The following ME1 variants were observed in gnomAD, a reference collection of about 807,000 sequenced individuals.
The protein encoded by ME1 is NADP-dependent malic enzyme.
In ME1, 74 loss-of-function variants were observed where a neutral mutation model predicts 66.4. That is an observed-to-expected ratio of 1.11 (90% CI 0.92 to 1.35). The LOEUF is 1.35. Ranked by LOEUF, ME1 falls within the 40% of genes most tolerant of loss-of-function variation. ME1 has a pLI of 0.00. For missense variants in ME1, 750 were observed against 694.1 expected, an observed-to-expected ratio of 1.08 and a Z score of -0.90; for synonymous variants, 251 against 235.6, an observed-to-expected ratio of 1.07 and a Z score of -0.60.
intron 6 of ME1, among the ~76,000 whole-genome samples, chr6:83,294,763 C>A (rs565921948): frequency 2.0e-5 from 3 of 152,260 alleles, no homozygotes; most frequent in East Asian, 3.9e-4. Context: ...CAGTTCCCCC[C>A]GACTCCCCCT....
chr6:83,380,802 T>A (rs1018811407), intron 3 of ME1, among the ~76,000 whole-genome samples: 14 of 152,144 alleles, frequency 9.2e-5, no homozygotes, highest in Non-Finnish European at 1.6e-4. Flanking sequence ...AAATATTGAC[T>A]TGGAAATTCT....
rs73476967 is a variant in ME1, at chr6:83,390,209, T to C, written c.362+8158A>G. ...CATACTTAAAAGTATGATCAAAAGA[T>C]ATATTTGTTTGTAACTATGTTAAGC... is the stretch of plus-strand genomic sequence containing the variant. On this transcript the variant is annotated intron_variant, in intron 3 of 13. Transcript: ENST00000369705. Among the ~76,000 whole-genome samples the C allele has an allele frequency of 1.9e-3, 289 of 152,254 alleles. 2 individuals carry two copies. The highest frequency in any genetic ancestry group is 6.4e-3 in the African/African-American group (267 of 41,566).
chr6:83,392,506 G>T, intron 3 of ME1: 1 of 529,260 alleles, frequency 1.9e-6, no homozygotes, highest in South Asian at 1.4e-5. Flanking sequence ...AGTCGATATT[G>T]TCGCCATCAA....
chr6:83,413,843 T>A (rs754993501), intron 1 of ME1, among the ~76,000 whole-genome samples: 24 of 152,086 alleles, frequency 1.6e-4, no homozygotes, highest in Non-Finnish European at 2.2e-4. Flanking sequence ...GCATGATGCC[T>A]CACACCTGTA....
At chr6:83,288,276 T>C (rs981711512) in intron 6 of ME1, among the ~76,000 whole-genome samples, 1 of 152,206 alleles carries the variant, frequency 6.6e-6, no homozygotes, top group Non-Finnish European at 1.5e-5. Context: ...TCTAGGATTT[T>C]TACAGTCCTA....
At chr6:83,238,386 A>G (rs1790452117) in intron 8 of ME1, among the ~76,000 whole-genome samples, 1 of 152,164 alleles carries the variant, frequency 6.6e-6, no homozygotes, top group Admixed American at 6.5e-5. Flanking sequence ...TGAAATTTCC[A>G]ATATCTTTCC....
At chr6:83,393,073 T>A in intron 3 of ME1, 1 of 1,447,998 alleles carries the variant, frequency 6.9e-7, no homozygotes, top group African/African-American at 1.4e-5. Context: ...ATCCCTGAGC[T>A]AAACGGGAAG....
At chr6:83,298,382 T>G (rs1767641778) in intron 6 of ME1, among the ~76,000 whole-genome samples, 1 of 152,208 alleles carries the variant, frequency 6.6e-6, no homozygotes, top group Non-Finnish European at 1.5e-5. Flanking sequence ...TGTTGGTTCA[T>G]GTCCTTTGCC....
At position 83,253,616 on chromosome 6, in the gene ME1, A is replaced by G; in HGVS notation, c.814+13T>C. On this transcript the variant is annotated intron_variant, in intron 7 of 13. Coordinates refer to ENST00000369705, the MANE Select transcript of ME1 (RefSeq NM_002395.6). ...ACATGTTATTGATCCATATGCAGTG[A>G]AAATTTTGTTACCTTGAATATCATC... is the stretch of plus-strand genomic sequence containing the variant. 1 of 1,430,312 alleles carries G rather than the reference A, an allele frequency of 7.0e-7. No homozygotes were observed. Among genetic ancestry groups the G allele is most frequent in the Non-Finnish European group, 9.8e-7 (1 of 1,016,110 alleles). The allele number at this position is 1,430,312 out of a possible 1,614,324, so 88.6% of individuals were successfully genotyped here. A position where few individuals can be genotyped will look rare whatever the true frequency, so the allele number is the denominator to read the frequency against.
At chr6:83,312,650 T>G (rs1767952637) in intron 6 of ME1, among the ~76,000 whole-genome samples, 1 of 152,136 alleles carries the variant, frequency 6.6e-6, no homozygotes. Context: ...CAGGCAGGGG[T>G]AATCCCAACT....
rs140955774 is a variant in ME1, at chr6:83,244,240, G to A, written c.815-4604C>T. On this transcript the variant is annotated intron_variant, in intron 7 of 13. Transcript: ENST00000369705. The stretch of plus-strand genomic sequence containing the variant: ...AGACTGAAAAGGAAGATTACCTAAG[G>A]AAATGGCCCAACCAAGTCACCTTAC... Among the ~76,000 whole-genome samples the A allele has an allele frequency of 3.6e-4, 55 of 152,124 alleles. No individual in the cohort carries two copies. In the South Asian group the frequency reaches 0.011, roughly 31 times the overall value.
At chr6:83,348,996 AAAAAAC>A (rs1182813543) in intron 4 of ME1, among the ~76,000 whole-genome samples, 4 of 144,068 alleles carry the variant, frequency 2.8e-5, no homozygotes, top group Admixed American at 1.4e-4. Context: ...AAAAAAAAAA[AAAAAAC>A]AAAAAACAAA....
intron 3 of ME1, among the ~76,000 whole-genome samples, chr6:83,372,344 G>C (rs781202364): frequency 2.2e-4 from 34 of 152,120 alleles, no homozygotes; most frequent in African/African-American, 2.4e-5. Flanking sequence ...AGACTGACTG[G>C]GGTATGGTTT....
chr6:83,381,617 T>C (rs1172984057), intron 3 of ME1, among the ~76,000 whole-genome samples: 2 of 152,134 alleles, frequency 1.3e-5, no homozygotes, highest in Non-Finnish European at 2.9e-5. Context: ...TACAAGACTG[T>C]GGAATTATTC....
chr6:83,323,522 C>T (rs184992097), intron 5 of ME1, among the ~76,000 whole-genome samples: 22 of 150,774 alleles, frequency 1.5e-4, no homozygotes, highest in African/African-American at 4.6e-4. Context: ...AAAAAAAAAC[C>T]CCAGAGGTTG....
chr6:83,320,251 A>T (rs181847862), intron 5 of ME1, among the ~76,000 whole-genome samples: 1 of 152,362 alleles, frequency 6.6e-6, no homozygotes, highest in East Asian at 1.9e-4. Flanking sequence ...TAAGAAGGTT[A>T]AACCTTCAGA....
chr6:83,283,543 C>T (rs1353035994), intron 6 of ME1, among the ~76,000 whole-genome samples: 1 of 151,882 alleles, frequency 6.6e-6, no homozygotes, highest in Non-Finnish European at 1.5e-5. Flanking sequence ...ACCTGTGTAA[C>T]AAACCTGCAC....
intron 3 of ME1, among the ~76,000 whole-genome samples, chr6:83,387,799 T>C (rs902251501): frequency 3.9e-5 from 6 of 152,168 alleles, no homozygotes; most frequent in Non-Finnish European, 7.4e-5. Flanking sequence ...TAAAGCAACA[T>C]AATGGAACAA....
intron 9 of ME1, among the ~76,000 whole-genome samples, chr6:83,232,551 A>G (rs1421370487): frequency 6.6e-6 from 1 of 152,204 alleles, no homozygotes; most frequent in Non-Finnish European, 1.5e-5. Context: ...TTTAATACCT[A>G]CATGCATTGA....
Sources: allele counts gnomAD v4.1 joint callset (sites outside exome capture counted in the v4.1 genomes callset), GRCh38; gene constraint gnomAD v4.1.1; transcripts MANE v1.5; gene names NCBI Gene and HGNC (gene_info 2026-07-23, HGNC 2026-07-21).